The following SPON1 variants were observed in gnomAD, a reference collection of about 807,000 sequenced individuals.
SPON1 encodes the protein spondin-1.
SPON1 carries 52 observed loss-of-function variants against 111.7 expected under a neutral mutation model. The ratio of observed to expected loss-of-function variants is 0.47; its 90% CI spans 0.37 to 0.59. The LOEUF (loss-of-function observed/expected upper bound fraction) is 0.59, where lower values mean the gene tolerates loss of function less well. Among genes scored for constraint, SPON1 ranks in the 20% least tolerant of loss-of-function variants. The pLI is 0.00. For synonymous variants in SPON1, 410 were observed against 395.8 expected (o/e 1.04, Z -0.43); for missense variants, 957 against 1,068.5 (o/e 0.90, Z 1.46).
chr11:14,034,419 A>C (rs547417956), intron 2 of SPON1, among the ~76,000 whole-genome samples: 38 of 152,218 alleles, frequency 2.5e-4, no homozygotes, highest in African/African-American at 9.1e-4. Context: ...GATTGCCAGG[A>C]GGTTTGAGAG....
At chr11:14,243,949 G>T (rs1198271766) in intron 7 of SPON1, among the ~76,000 whole-genome samples, 2 of 152,172 alleles carry the variant, frequency 1.3e-5, no homozygotes, top group African/African-American at 4.8e-5. Flanking sequence ...CTCCATGGAT[G>T]GTCCACCTGG....
chr11:14,013,203 G>T (rs554328385), intron 2 of SPON1, among the ~76,000 whole-genome samples: 1 of 152,212 alleles, frequency 6.6e-6, no homozygotes, highest in African/African-American at 2.4e-5. Flanking sequence ...CTAATTCTTA[G>T]GCTGATTATG....
rs138319688 is a variant in SPON1 at position 14,104,589 on chromosome 11, G to A, written c.676+24568G>A. 5.8e-4 allele frequency among the ~76,000 whole-genome samples: 88 copies of A among 151,980 alleles called. No individual in the cohort carries two copies. The East Asian group carries it at 0.015, about 26-fold the overall frequency. ...TTTCATTGAATTAACTTGTTGCTCAGTTTATTTATTTTAATCTGCTTTTAT... is the reference window on the plus strand; with the variant it reads ...TTTCATTGAATTAACTTGTTGCTCAATTTATTTATTTTAATCTGCTTTTAT... On this transcript the variant is annotated intron_variant, in intron 5 of 15. Coordinates refer to ENST00000576479, the MANE Select transcript of SPON1 (RefSeq NM_006108.4).
At chr11:14,065,172 G>A (rs893169941) in intron 3 of SPON1, among the ~76,000 whole-genome samples, 3 of 152,170 alleles carry the variant, frequency 2.0e-5, no homozygotes, top group Non-Finnish European at 4.4e-5. Context: ...ACCTGAGTGA[G>A]AGGAAACAGA....
chr11:13,982,984 C>T, intron 2 of SPON1, 31 bp downstream of exon 2: 2 of 1,414,216 alleles, frequency 1.4e-6, no homozygotes, highest in Non-Finnish European at 2.0e-6. Flanking sequence ...ATTCAGTGGC[C>T]CTCCCTGCCC....
intron 15 of SPON1, among the ~76,000 whole-genome samples, chr11:14,264,012 A>G (rs1849226623): frequency 6.6e-6 from 1 of 151,814 alleles, no homozygotes; most frequent in South Asian, 2.1e-4. Context: ...CTGGGCAACA[A>G]GAGTGAAACT....
At chr11:14,250,136 CTT>C (rs1849036811) in intron 7 of SPON1, among the ~76,000 whole-genome samples, 1 of 152,182 alleles carries the variant, frequency 6.6e-6, no homozygotes, top group Non-Finnish European at 1.5e-5. Context: ...GATATTAACA[CTT>C]TGTCAGTCAC....
chr11:14,248,039 G>T (rs1260259149), intron 7 of SPON1, among the ~76,000 whole-genome samples: 1 of 152,214 alleles, frequency 6.6e-6, no homozygotes, highest in Non-Finnish European at 1.5e-5. Context: ...CAAAGGAGCA[G>T]CAAAGAAATT....
chr11:14,231,259 G>A (rs781953969), intron 6 of SPON1, among the ~76,000 whole-genome samples: 2 of 151,862 alleles, frequency 1.3e-5, no homozygotes, highest in Non-Finnish European at 2.9e-5. Flanking sequence ...TCAGCCTCCG[G>A]AGTAGCTGGG....
chr11:14,103,879 G>C (rs76114556), intron 5 of SPON1, among the ~76,000 whole-genome samples: 19 of 152,016 alleles, frequency 1.2e-4, no homozygotes, highest in African/African-American at 4.6e-4. Context: ...TCTGATAATG[G>C]GGTATTAATA....
intron 6 of SPON1, among the ~76,000 whole-genome samples, chr11:14,138,512 T>G (rs1325743862): frequency 6.6e-6 from 1 of 152,144 alleles, no homozygotes; most frequent in East Asian, 1.9e-4. Context: ...TGCTCACCCT[T>G]TCGTGGAAGG....
At chr11:13,968,021 G>C (rs1458276497) in intron 1 of SPON1, among the ~76,000 whole-genome samples, 1 of 152,160 alleles carries the variant, frequency 6.6e-6, no homozygotes, top group Non-Finnish European at 1.5e-5. Flanking sequence ...TTTCATTACA[G>C]CTGACTCTTT....
intron 6 of SPON1, among the ~76,000 whole-genome samples, chr11:14,204,941 C>T (rs1206372977): frequency 2.0e-5 from 3 of 152,068 alleles, no homozygotes; most frequent in Non-Finnish European, 4.4e-5. Flanking sequence ...CCTGCCTCAG[C>T]CTCCCAAAGT....
At chr11:14,164,144 C>T (rs1043998948) in intron 6 of SPON1, among the ~76,000 whole-genome samples, 2 of 152,130 alleles carry the variant, frequency 1.3e-5, no homozygotes, top group Non-Finnish European at 2.9e-5. Context: ...CACCGTTAAC[C>T]GTTAAAGGTG....
chr11:14,017,745 C>T (rs1848453660), intron 2 of SPON1, among the ~76,000 whole-genome samples: 1 of 152,178 alleles, frequency 6.6e-6, no homozygotes, highest in South Asian at 2.1e-4. Context: ...GAATAGAAGA[C>T]CTTCACCAAA....
chr11:14,103,176 T>C (rs1201802387), intron 5 of SPON1, among the ~76,000 whole-genome samples: 1 of 152,112 alleles, frequency 6.6e-6, no homozygotes, highest in Non-Finnish European at 1.5e-5. Flanking sequence ...TTTGCTTTCT[T>C]CTACTGGGTA....
chr11:14,113,542 C>A (rs1849241505), intron 5 of SPON1, among the ~76,000 whole-genome samples: 1 of 137,766 alleles, frequency 7.3e-6, no homozygotes, highest in African/African-American at 2.7e-5. Context: ...CTTTGGAAAG[C>A]AAGTCACCTC....
At chr11:14,076,318 G>C (rs1273820210) in intron 4 of SPON1, among the ~76,000 whole-genome samples, 2 of 152,062 alleles carry the variant, frequency 1.3e-5, no homozygotes, top group South Asian at 2.1e-4. Context: ...AGCAATTAGT[G>C]TTTGGAGAAG....
chr11:14,090,215 A>C (rs1052000090), intron 5 of SPON1, among the ~76,000 whole-genome samples: 6 of 151,912 alleles, frequency 3.9e-5, no homozygotes, highest in African/African-American at 7.2e-5. Flanking sequence ...AAAAAAAAAA[A>C]AAAAAACTGC....
Sources: gnomAD v4.1 joint callset for allele counts (sites outside exome capture counted in the v4.1 genomes callset) on GRCh38, gnomAD v4.1.1 for gene constraint, MANE v1.5 for transcripts, NCBI Gene and HGNC (gene_info 2026-07-23, HGNC 2026-07-21) for gene names.